PCDHA2: variants seen among roughly 807,000 people sequenced by gnomAD.
PCDHA2 encodes the protein protocadherin alpha 2, also known as protocadherin alpha-2.
PCDHA2 carries 58 observed loss-of-function variants against 66.0 expected under a neutral mutation model. That is an observed-to-expected ratio of 0.88 (90% CI 0.71 to 1.09). The LOEUF is 1.09. PCDHA2 is among the 50% of genes least tolerant of loss of function. The probability of loss-of-function intolerance (pLI) is 0.00; values close to 1 mark genes in which losing one functional copy is unlikely to be tolerated. For synonymous variants in PCDHA2, 634 were observed against 554.0 expected (o/e 1.14, Z -2.03); for missense variants, 1,267 against 1,242.3 (o/e 1.02, Z -0.30).
intron 1 of PCDHA2, among the ~76,000 whole-genome samples, chr5:140,924,898 AAAAAAAATAAAAT>A (rs1214088536): frequency 1.9e-4 from 10 of 53,034 alleles, no homozygotes; most frequent in Non-Finnish European, 1.3e-4. Context: ...CTGTCTCAAA[AAAAAAAATAAAAT>A]AAAATAAAAT....
intron 1 of PCDHA2, among the ~76,000 whole-genome samples, chr5:140,955,244 G>A (rs1554221834): frequency 2.0e-5 from 3 of 152,072 alleles, no homozygotes; most frequent in South Asian, 2.1e-4. Flanking sequence ...GCTTAGGATC[G>A]GCTTGGCTAT....
At chr5:140,898,233 C>T (rs2066607638) in intron 1 of PCDHA2, among the ~76,000 whole-genome samples, 1 of 152,126 alleles carries the variant, frequency 6.6e-6, no homozygotes, top group African/African-American at 2.4e-5. Flanking sequence ...GTTGCCATTG[C>T]TTTTGGTGTT....
At chr5:140,824,105 A>G in intron 1 of PCDHA2, 1 of 1,614,110 alleles carries the variant, frequency 6.2e-7, no homozygotes, top group East Asian at 2.2e-5. Flanking sequence ...AGCCTTCCTC[A>G]GGGTCCCACC....
At chr5:140,904,152 C>T (rs782254163) in intron 1 of PCDHA2, among the ~76,000 whole-genome samples, 16 of 152,024 alleles carry the variant, frequency 1.1e-4, no homozygotes, top group Non-Finnish European at 2.2e-4. Context: ...ATACATTGCA[C>T]CCAGTTTGTA....
At chr5:140,862,923 C>T in intron 1 of PCDHA2, 1 of 546,076 alleles carries the variant, frequency 1.8e-6, no homozygotes, top group South Asian at 1.4e-5. Flanking sequence ...CTTGGGTGGG[C>T]TGGCGGCGCT....
At position 140,797,324 on chromosome 5, in the gene PCDHA2, A is replaced by G; in HGVS notation, c.2360A>G (p.Gln787Arg). The G allele has an allele frequency of 6.2e-7, 1 of 1,614,192 alleles. No homozygotes were observed. Residue 787 changes from glutamine (Q) to arginine (R), a missense_variant, in exon 1 of 4, where the codon CAG (glutamine) becomes CGG (arginine). Coordinates refer to ENST00000526136, the MANE Select transcript of PCDHA2 (RefSeq NM_018905.3). ...SQGPDSAEEK[Q>R]LSESEYVGKP... ...GGTCCAGACTCCGCAGAAGAGAAAC[A>G]GCTCTCAGAATCAGAATACGTAGGA...
At chr5:140,931,405 G>C (rs1395168165) in intron 1 of PCDHA2, among the ~76,000 whole-genome samples, 1 of 151,984 alleles carries the variant, frequency 6.6e-6, no homozygotes, top group South Asian at 2.1e-4. Flanking sequence ...CGATAGGAAG[G>C]CTGATGAATC....
intron 1 of PCDHA2, among the ~76,000 whole-genome samples, chr5:140,895,928 A>G (rs559949902): frequency 5.9e-5 from 9 of 152,226 alleles, no homozygotes; most frequent in African/African-American, 1.9e-4. Flanking sequence ...ATCCTGCCTC[A>G]GCCTCCCGAG....
chr5:140,935,341 G>A (rs1318000398), intron 1 of PCDHA2, among the ~76,000 whole-genome samples: 5 of 152,046 alleles, frequency 3.3e-5, no homozygotes, highest in Non-Finnish European at 5.9e-5. Context: ...TCTCCCATAC[G>A]TCAAATCCCA....
At chr5:140,849,558 C>T in intron 1 of PCDHA2, 1 of 1,598,598 alleles carries the variant, frequency 6.3e-7, no homozygotes, top group Non-Finnish European at 8.6e-7. Context: ...TATCAAAACG[C>T]TCTCGGTTCC....
At chr5:140,809,780 A>G in intron 1 of PCDHA2, 1 of 516,486 alleles carries the variant, frequency 1.9e-6, no homozygotes, top group Non-Finnish European at 3.3e-6. Flanking sequence ...TTCAATGCAT[A>G]TTAACAGAAC....
At chr5:140,900,270 T>C (rs1203586696) in intron 1 of PCDHA2, among the ~76,000 whole-genome samples, 1 of 152,082 alleles carries the variant, frequency 6.6e-6, no homozygotes, top group Non-Finnish European at 1.5e-5. Flanking sequence ...ATTGTGTATA[T>C]GTACCACACT....
At chr5:140,863,076 G>A (rs782126148) in intron 1 of PCDHA2, 19 of 569,916 alleles carry the variant, frequency 3.3e-5, no homozygotes, top group South Asian at 2.5e-4. Context: ...GGCTCTGCAC[G>A]GGCGAGATCA....
chr5:140,969,371 T>C (rs2096324872), intron 1 of PCDHA2: 1 of 1,607,688 alleles, frequency 6.2e-7, no homozygotes, highest in Non-Finnish European at 8.5e-7. Context: ...AACTCATGCA[T>C]TTGTTACACA....
At chr5:140,880,737 G>T (rs139077188) in intron 1 of PCDHA2, among the ~76,000 whole-genome samples, 1 of 152,304 alleles carries the variant, frequency 6.6e-6, no homozygotes, top group Non-Finnish European at 1.5e-5. Flanking sequence ...TAGAGAAAAT[G>T]GATTGTCAGT....
At chr5:140,836,276 C>T (rs2150256592) in intron 1 of PCDHA2, 3 of 1,613,790 alleles carry the variant, frequency 1.9e-6, no homozygotes, top group East Asian at 2.2e-5. Flanking sequence ...CTGGTGAGAT[C>T]AGCACGACAC....
chr5:140,927,756 T>G (rs782307164), intron 1 of PCDHA2: 2 of 1,614,012 alleles, frequency 1.2e-6, no homozygotes, highest in South Asian at 1.1e-5. Flanking sequence ...ACGTGCACCC[T>G]AAAAGTGGGG....
At chr5:140,860,192 C>CATATATATATATATATATATAT (rs143984774) in intron 1 of PCDHA2, 4 of 146,814 alleles carry the variant, frequency 2.7e-5, no homozygotes, top group Admixed American at 6.8e-5. Context: ...GCTCTCCTTA[C>CATATATATATATATATATATAT]ATATATATCT....
intron 1 of PCDHA2, chr5:140,930,288 T>A (rs2086713135): frequency 6.6e-6 from 1 of 152,212 alleles, no homozygotes; most frequent in African/African-American, 2.4e-5. Context: ...CAAATACACT[T>A]AACAAATAAG....
Sources: allele counts gnomAD v4.1 joint callset (sites outside exome capture counted in the v4.1 genomes callset), GRCh38; gene constraint gnomAD v4.1.1; transcripts MANE v1.5; gene names NCBI Gene and HGNC (gene_info 2026-07-23, HGNC 2026-07-21).